KIRREL3: variants seen among roughly 807,000 people sequenced by gnomAD.
The protein encoded by KIRREL3 is kirre like nephrin family adhesion molecule 3.
KIRREL3 carries 36 observed loss-of-function variants against 89.7 expected under a neutral mutation model. The observed-to-expected ratio is 0.40, with a 90% confidence interval of 0.31 to 0.53. KIRREL3 has a LOEUF of 0.53. KIRREL3 is among the 20% of genes least tolerant of loss of function. The pLI is 0.49. For missense variants in KIRREL3, 864 were observed against 1,056.6 expected (o/e 0.82, Z 2.53); for synonymous variants, 445 against 441.4 (o/e 1.01, Z -0.10).
intron 10 of KIRREL3, among the ~76,000 whole-genome samples, chr11:126,442,769 G>A (rs866782001): frequency 2.6e-5 from 4 of 152,224 alleles, no homozygotes; most frequent in Non-Finnish European, 5.9e-5. Context: ...GCTCCCCTCC[G>A]GGGCCACTGA....
chr11:126,936,839 G>A (rs1190640366), intron 1 of KIRREL3: 3 of 152,128 alleles, frequency 2.0e-5, no homozygotes, highest in Non-Finnish European at 4.4e-5. Flanking sequence ...AGTGATGTCC[G>A]AACAACTGTG....
rs1185927450 is a variant in KIRREL3 at position 126,747,392 on chromosome 11, T to G, written c.56-184480A>C. Among the ~76,000 whole-genome samples, 3 of 152,204 alleles carry G rather than the reference T, an allele frequency of 2.0e-5. No homozygotes were observed. Among genetic ancestry groups the G allele is most frequent in the Admixed American group, 6.5e-5 (1 of 15,282 alleles). ...AGCTAGTACCGTCGTCCCATGCTCT[T>G]CCCCATTATGTCCTCTACACTCCAG... On this transcript the variant is annotated intron_variant, in intron 1 of 16. Transcript: ENST00000525144. The surrounding 1 kb of genome is among the most constrained non-coding windows in gnomAD (Gnocchi z 4.7).
chr11:126,842,122 G>C (rs1943983096), intron 1 of KIRREL3, among the ~76,000 whole-genome samples: 1 of 152,074 alleles, frequency 6.6e-6, no homozygotes, highest in African/African-American at 2.4e-5. Flanking sequence ...GTGGTGAGGA[G>C]GGAAGGGGAG....
rs1407281480 is a variant in KIRREL3 at position 126,996,960 on chromosome 11, A to G, written c.55+3495T>C. Among the ~76,000 whole-genome samples, 3 of 152,178 alleles carry G rather than the reference A, an allele frequency of 2.0e-5. No homozygotes were observed. The highest frequency in any genetic ancestry group is 7.2e-5 in the African/African-American group (3 of 41,442). ...AGTAGGGAAGAGACCACCTTTCTTAAGAGCGAGTGTCTGGAGTAGAAGGCG... is the reference window on the plus strand; with the variant it reads ...AGTAGGGAAGAGACCACCTTTCTTAGGAGCGAGTGTCTGGAGTAGAAGGCG... On this transcript the variant is annotated intron_variant, in intron 1 of 16. Transcript: ENST00000525144. This position sits in a 1 kb window ranked among gnomAD's most constrained non-coding sequence, Gnocchi z 4.7.
rs1956771215 is a variant in KIRREL3 at position 126,467,675 on chromosome 11, T to C, written c.592-4368A>G. On this transcript the variant is annotated intron_variant, in intron 5 of 16. Coordinates refer to ENST00000525144, the MANE Select transcript of KIRREL3 (RefSeq NM_032531.4). ...ATCATGGCTCTGCTTCCCCTTTTGA[T>C]AGCTGCTTGGGGCTCCCCATGGGCT... Among the ~76,000 whole-genome samples, 4 of 151,980 alleles carry C rather than the reference T, an allele frequency of 2.6e-5. No homozygotes were observed. The South Asian group carries it at 6.2e-4, about 24-fold the overall frequency.
intron 1 of KIRREL3, among the ~76,000 whole-genome samples, chr11:126,678,806 G>T (rs921592694): frequency 6.6e-6 from 1 of 152,092 alleles, no homozygotes; most frequent in Non-Finnish European, 1.5e-5. Flanking sequence ...ACAGAGAGAG[G>T]ATATCAGTGG....
chr11:126,650,237 C>T (rs1006199449), intron 1 of KIRREL3, among the ~76,000 whole-genome samples: 1 of 152,232 alleles, frequency 6.6e-6, no homozygotes, highest in Non-Finnish European at 1.5e-5. Context: ...TCTGACATGC[C>T]CTAGAGAATT....
chr11:126,884,642 C>T (rs1252715988), intron 1 of KIRREL3, among the ~76,000 whole-genome samples: 2 of 152,164 alleles, frequency 1.3e-5, no homozygotes, highest in Non-Finnish European at 2.9e-5. Context: ...ATAGCAAATG[C>T]ATAAGCAAGC....
Position 126,463,405 on chromosome 11 carries a change from G to T in KIRREL3, c.592-98C>A. The T allele has an allele frequency of 8.0e-7, 1 of 1,245,972 alleles. No individual in the cohort carries two copies. The allele number at this position is 1,245,972 out of a possible 1,614,324, so 77.2% of individuals were successfully genotyped here. ...AACGAGCACCAGCTTAGACAGAAGGGGGAGCTGTGGATGGAGGGGTTCAGC... is the reference window on the plus strand; with the variant it reads ...AACGAGCACCAGCTTAGACAGAAGGTGGAGCTGTGGATGGAGGGGTTCAGC... On this transcript the variant is annotated intron_variant, in intron 5 of 16. Transcript: ENST00000525144. This position sits in a 1 kb window ranked among gnomAD's most constrained non-coding sequence, Gnocchi z 5.9.
intron 1 of KIRREL3, among the ~76,000 whole-genome samples, chr11:126,588,584 GC>G (rs1284559571): frequency 3.3e-5 from 5 of 152,136 alleles, no homozygotes; most frequent in Non-Finnish European, 7.3e-5. Flanking sequence ...CCTTGCACGC[GC>G]CCTGGGCACT....
In KIRREL3 at chr11:126,645,166, A is replaced by G. The variant is rs1944618630; in HGVS notation, c.56-82254T>C. ...TTATGAAGGAAAAAGCTGGAGGAAG[A>G]TAGAGTGGGACCAGAAAGTGAAGGG... On this transcript the variant is annotated intron_variant, in intron 1 of 16. Transcript: ENST00000525144. The surrounding 1 kb of genome is among the most constrained non-coding windows in gnomAD (Gnocchi z 4.9). 6.6e-6 allele frequency among the ~76,000 whole-genome samples: 1 copy of G among 152,220 alleles called. No homozygotes were observed. Among genetic ancestry groups the G allele is most frequent in the Non-Finnish European group, 1.5e-5 (1 of 68,030 alleles).
Position 126,574,216 on chromosome 11 carries a change from G to A in KIRREL3, c.56-11304C>T, listed in dbSNP as rs1941130326. 6.6e-6 allele frequency among the ~76,000 whole-genome samples: 1 copy of A among 152,064 alleles called. No individual in the cohort carries two copies. The highest frequency in any genetic ancestry group is 2.4e-5 in the African/African-American group (1 of 41,378). On this transcript the variant is annotated intron_variant, in intron 1 of 16. Coordinates refer to ENST00000525144, the MANE Select transcript of KIRREL3 (RefSeq NM_032531.4). This position sits in a 1 kb window ranked among gnomAD's most constrained non-coding sequence, Gnocchi z 5.3. ...ATGGAGGACACTGAGGATGAGAGAG[G>A]TTCCACAACCTCCCTTGCTCAAAAT...
In KIRREL3 at chr11:126,550,329, A is replaced by G. The variant is rs1939155092; in HGVS notation, c.133+12506T>C. 1.3e-5 allele frequency: 2 copies of G among 152,196 alleles called. No individual in the cohort carries two copies. The highest frequency in any genetic ancestry group is 1.3e-4 in the Admixed American group (2 of 15,286). 9.4% of individuals were successfully genotyped at this position (152,196 alleles called of 1,614,324 possible). A position where few individuals can be genotyped will look rare whatever the true frequency, so the allele number is the denominator to read the frequency against. On this transcript the variant is annotated intron_variant, in intron 2 of 16. Transcript: ENST00000525144. The surrounding 1 kb of genome is among the most constrained non-coding windows in gnomAD (Gnocchi z 4.9). ...TGCCCTGACTACACCCGGGATTTGA[A>G]TCTAGATTTCTCCTACTCCTAAGCC... is the stretch of plus-strand genomic sequence containing the variant.
At position 126,606,498 on chromosome 11, in the gene KIRREL3, A is replaced by G. The variant is rs1028975107; in HGVS notation, c.56-43586T>C. On this transcript the variant is annotated intron_variant, in intron 1 of 16. Coordinates refer to ENST00000525144, the MANE Select transcript of KIRREL3 (RefSeq NM_032531.4). The surrounding 1 kb of genome is among the most constrained non-coding windows in gnomAD (Gnocchi z 4.6). ...ATTAAGTTGTCGATTTCACAGGGCC[A>G]TGGGGGAGGGAAGTCCGGGCTCTCT... Among the ~76,000 whole-genome samples, 5 of 152,204 alleles carry G rather than the reference A, an allele frequency of 3.3e-5. No individual in the cohort carries two copies. The highest frequency in any genetic ancestry group is 1.2e-4 in the African/African-American group (5 of 41,464).
intron 1 of KIRREL3, among the ~76,000 whole-genome samples, chr11:126,592,124 G>A (rs549928): frequency 0.78 from 119,269 of 152,072 alleles, 46,779 homozygotes; most frequent in South Asian, 0.8. Flanking sequence ...TCGAGCCCCT[G>A]GGATGGGGAC....
rs1406025070 is a variant in KIRREL3 at position 126,996,232 on chromosome 11, C to G, written c.55+4223G>C. On this transcript the variant is annotated intron_variant, in intron 1 of 16. Transcript: ENST00000525144. This position sits in a 1 kb window ranked among gnomAD's most constrained non-coding sequence, Gnocchi z 4.7. Reference sequence around the variant, plus strand: ...ACCTTCTGGCACAAAAGAACTGATTCTTCTTCCTCTAGACAAGACGTCATC... The same window carrying G: ...ACCTTCTGGCACAAAAGAACTGATTGTTCTTCCTCTAGACAAGACGTCATC... Among the ~76,000 whole-genome samples the G allele has an allele frequency of 6.6e-6, 1 of 152,216 alleles. No individual in the cohort carries two copies. Among genetic ancestry groups the G allele is most frequent in the Non-Finnish European group, 1.5e-5 (1 of 68,040 alleles).
intron 1 of KIRREL3, among the ~76,000 whole-genome samples, chr11:126,818,448 T>C (rs1166040246): frequency 6.6e-6 from 1 of 152,220 alleles, no homozygotes; most frequent in Non-Finnish European, 1.5e-5. Context: ...CCGTAACCTC[T>C]CTGAGCCTAT....
rs1946494704 is a variant in KIRREL3, at chr11:126,904,425, G to A, written c.55+96030C>T. ...ATAAGACTGATCACTAGTGGGGATA[G>A]TGCAACTGATAAAAGGAACCTGCTC... On this transcript the variant is annotated intron_variant, in intron 1 of 16. Coordinates refer to ENST00000525144, the MANE Select transcript of KIRREL3 (RefSeq NM_032531.4). This position sits in a 1 kb window ranked among gnomAD's most constrained non-coding sequence, Gnocchi z 4.4. 1.3e-5 allele frequency among the ~76,000 whole-genome samples: 2 copies of A among 152,216 alleles called. No homozygotes were observed. The highest frequency in any genetic ancestry group is 2.4e-5 in the African/African-American group (1 of 41,460).
At position 126,764,304 on chromosome 11, in the gene KIRREL3, T is replaced by A. The variant is rs920007077; in HGVS notation, c.56-201392A>T. ...TGTCCATTCTGTCAGGCGCCCTGCC[T>A]CTTGCCACCTCTTTCTTAGCTAGAT... On this transcript the variant is annotated intron_variant, in intron 1 of 16. Transcript: ENST00000525144. This position sits in a 1 kb window ranked among gnomAD's most constrained non-coding sequence, Gnocchi z 4.2. Among the ~76,000 whole-genome samples, 2 of 152,036 alleles carry A rather than the reference T, an allele frequency of 1.3e-5. No individual in the cohort carries two copies. Among genetic ancestry groups the A allele is most frequent in the African/African-American group, 2.4e-5 (1 of 41,370 alleles).
Sources: gnomAD v4.1 joint callset for allele counts (sites outside exome capture counted in the v4.1 genomes callset) on GRCh38, gnomAD v4.1.1 for gene constraint, Gnocchi (gnomAD v3.1) non-coding constraint, MANE v1.5 for transcripts, NCBI Gene and HGNC (gene_info 2026-07-23, HGNC 2026-07-21) for gene names.